The following CHRNE variants were observed in gnomAD, a reference collection of about 807,000 sequenced individuals.
CHRNE encodes acetylcholine receptor subunit epsilon.
In CHRNE, 58 loss-of-function variants were observed where a neutral mutation model predicts 56.5. That is an observed-to-expected ratio of 1.03 (90% confidence interval 0.83 to 1.28). CHRNE has a LOEUF of 1.28. Ranked by LOEUF, CHRNE falls within the 50% of genes most tolerant of loss-of-function variation. The pLI is 0.00. For synonymous variants in CHRNE, 385 were observed against 297.9 expected (o/e 1.29, Z -3.01); for missense variants, 793 against 688.9 (o/e 1.15, Z -1.69).
upstream of CHRNE, among the ~76,000 whole-genome samples, chr17:4,907,210 TTAAAGGA>T (rs1970101245): frequency 1.3e-5 from 2 of 151,676 alleles, no homozygotes; most frequent in Non-Finnish European, 2.9e-5. Flanking sequence ...GGTTGGTAAC[TTAAAGGA>T]TAAATGATTG....
Position 4,899,118 on chromosome 17 carries a change from A to G in CHRNE, c.1220-11T>C. ...TCTGGCAGAAGGCAGCTGGCGGGGA[A>G]AACACCGGGGTGGGCCTTAGGAGCC... On this transcript the variant is annotated splice_polypyrimidine_tract_variant and intron_variant, in intron 10 of 11. Transcript: ENST00000649488. The G allele has an allele frequency of 6.2e-7, 1 of 1,605,936 alleles. No individual in the cohort carries two copies. Among genetic ancestry groups the G allele is most frequent in the Non-Finnish European group, 8.5e-7 (1 of 1,177,762 alleles).
At chr17:4,901,280 AC>A in intron 6 of CHRNE, 90 bp from the exon 7 acceptor site, 2 of 1,450,580 alleles carry the variant, frequency 1.4e-6, no homozygotes, top group Non-Finnish European at 1.9e-6. Context: ...GGCTGTCTGC[AC>A]CAGGGTCATG....
At chr17:4,903,160 G>C, upstream of CHRNE, 36 of 1,218,402 alleles carry the variant, frequency 3.0e-5, no homozygotes, top group South Asian at 4.2e-4. Flanking sequence ...GTTAGTTCCG[G>C]GCTGTTAGGG....
Position 4,899,381 on chromosome 17 carries a change from G to C in CHRNE, c.1036C>G (p.Leu346Val), listed in dbSNP as rs1471932042. The change falls in exon 10 of 12, where the codon CTC becomes GTC. Residue 346 changes from leucine to valine, a missense_variant. By Grantham distance (32) the Leu-to-Val change is conservative. Coordinates refer to ENST00000649488, the MANE Select transcript of CHRNE (RefSeq NM_000080.4). Reference sequence around the variant, plus strand: ...AGGAGGCGCGGCAGCAGCTCCAGGAGAACCTGGGGCAGGGGCGGGGCTTAG... The same window carrying C: ...AGGAGGCGCGGCAGCAGCTCCAGGACAACCTGGGGCAGGGGCGGGGCTTAG... Reference protein sequence around the residue: ...HAMSPRLRHVLLELLPRLLGS... With the variant: ...HAMSPRLRHVVLELLPRLLGS... The C allele has an allele frequency of 2.0e-5, 30 of 1,533,992 alleles. No individual in the cohort carries two copies. Among genetic ancestry groups the C allele is most frequent in the Non-Finnish European group, 2.6e-5 (30 of 1,144,486 alleles).
Position 4,900,041 on chromosome 17 carries a change from G to A in CHRNE, c.918-459C>T, listed in dbSNP as rs1026648843. Reference sequence around the variant, plus strand: ...AGAGCTGAAGTCCCTGGAGCCACCCGAACCGAAGATGCAGGGGATGCTGCC... The same window carrying A: ...AGAGCTGAAGTCCCTGGAGCCACCCAAACCGAAGATGCAGGGGATGCTGCC... On this transcript the variant is annotated intron_variant, in intron 8 of 11. Coordinates refer to ENST00000649488, the MANE Select transcript of CHRNE (RefSeq NM_000080.4). 1.7e-5 allele frequency: 26 copies of A among 1,551,244 alleles called. 1 individual carries two copies. The South Asian group carries it at 2.7e-4, about 16-fold the overall frequency.
In CHRNE at chr17:4,898,626, T is replaced by C. The variant is rs1969808893; in HGVS notation, c.*110A>G. On this transcript the variant is annotated 3_prime_UTR_variant, in exon 12 of 12. Coordinates refer to ENST00000649488, the MANE Select transcript of CHRNE (RefSeq NM_000080.4). ...CACCATTCTTGTGAAGTTCACAAAC[T>C]GCAGATTGATCAGCAGGGGGAAGGG... is the stretch of plus-strand genomic sequence containing the variant. 1.1e-5 allele frequency: 15 copies of C among 1,415,608 alleles called. No homozygotes were observed. The highest frequency in any genetic ancestry group is 1.1e-5 in the Non-Finnish European group (11 of 1,036,374). 87.7% of individuals were successfully genotyped at this position (1,415,608 alleles called of 1,614,324 possible).
upstream of CHRNE, among the ~76,000 whole-genome samples, chr17:4,903,600 G>A (rs186010136): frequency 8.5e-5 from 13 of 152,212 alleles, no homozygotes; most frequent in Non-Finnish European, 1.6e-4. Flanking sequence ...TGGTCACAGG[G>A]GATTAGCCCT....
At chr17:4,908,004 G>A (rs185521223), upstream of CHRNE, among the ~76,000 whole-genome samples, 186 of 152,064 alleles carry the variant, frequency 1.2e-3, no homozygotes, top group Middle Eastern at 0.01. Flanking sequence ...GTGAAACCCC[G>A]TCTCTACTAA....
At position 4,898,778 on chromosome 17, in the gene CHRNE, G is replaced by A; in HGVS notation, c.1440C>T (p.Asn480=). The A allele has an allele frequency of 6.2e-7, 1 of 1,610,100 alleles. No individual in the cohort carries two copies. The highest frequency in any genetic ancestry group is 8.5e-7 in the Non-Finnish European group (1 of 1,178,624). The part of the protein sequence containing the change: ...SSLIFLGAYF[N]RVPDLPYAPC... The stretch of plus-strand genomic sequence containing the variant: ...GCGCGTAGGGGAGATCAGGCACTCG[G>A]TTGAAGTAGGCCCCGAGGAAGATGA... Residue 480 remains asparagine (N), a synonymous_variant, in exon 12 of 12, where the codon AAC becomes AAT. Transcript: ENST00000649488.
Position 4,897,990 on chromosome 17 carries a change from CCCA to C in CHRNE, c.*743_*745del, listed in dbSNP as rs746315302. The C allele has an allele frequency of 5.8e-4, 87 of 149,684 alleles. 1 individual carries two copies. Among genetic ancestry groups the C allele is most frequent in the Non-Finnish European group, 1.0e-3 (70 of 66,802 alleles). The allele number at this position is 149,684 out of a possible 1,614,324, so 9.3% of individuals were successfully genotyped here. The stretch of plus-strand genomic sequence containing the variant: ...AGCAAGTAACCCTTCTCCCTCCCCC[CCCA>C]CCCCTCCTCAATGTAGTGGCCTTGG... On this transcript the variant is annotated 3_prime_UTR_variant, in exon 12 of 12. Coordinates refer to ENST00000649488, the MANE Select transcript of CHRNE (RefSeq NM_000080.4).
chr17:4,902,950 T>C lies in CHRNE; in HGVS notation c.46+68A>G, dbSNP rs1970036848. The C allele has an allele frequency of 3.7e-6, 6 of 1,606,898 alleles. No individual in the cohort carries two copies. The highest frequency in any genetic ancestry group is 3.3e-4 in the Middle Eastern group (2 of 6,074). On this transcript the variant is annotated intron_variant, in intron 1 of 11. Coordinates refer to ENST00000649488, the MANE Select transcript of CHRNE (RefSeq NM_000080.4). The surrounding 1 kb of genome is among the most constrained non-coding windows in gnomAD (Gnocchi z 4.0). ...TAAGTCTCCATCTTGGTCTCTGTCT[T>C]TGTCTTCCCAGTCCCTTCATGTCAG...
At chr17:4,899,440 C>G in intron 9 of CHRNE, 28 bp downstream of exon 9, 1 of 1,558,784 alleles carries the variant, frequency 6.4e-7, no homozygotes, top group Non-Finnish European at 8.7e-7. Context: ...CACCCCGACC[C>G]GGGCTGCACC....
chr17:4,901,494 G>T, intron 6 of CHRNE, 31 bp downstream of exon 6: 1 of 1,598,888 alleles, frequency 6.3e-7, no homozygotes. Context: ...CCGTCTAGAA[G>T]CGGGTTTTTC....
rs1969874654 is a variant in CHRNE at position 4,899,457 on chromosome 17, T to TC, written c.1032+10dup. Reference sequence around the variant, plus strand: ...CCCCGACCCGGGCTGCACCGCCCCCTCCGCGCTTACGTGGCGCAGCCGCGG... The same window carrying TC: ...CCCCGACCCGGGCTGCACCGCCCCCTCCCGCGCTTACGTGGCGCAGCCGCGG... On this transcript the variant is annotated intron_variant, in intron 9 of 11. Coordinates refer to ENST00000649488, the MANE Select transcript of CHRNE (RefSeq NM_000080.4). The TC allele has an allele frequency of 6.3e-7, 1 of 1,575,204 alleles. No individual in the cohort carries two copies. Among genetic ancestry groups the TC allele is most frequent in the Non-Finnish European group, 8.6e-7 (1 of 1,161,902 alleles).
In CHRNE at chr17:4,901,160, G is replaced by T. The variant is rs773916039; in HGVS notation, c.632C>A (p.Pro211Gln). The T allele has an allele frequency of 9.3e-6, 15 of 1,609,194 alleles. No homozygotes were observed. Among genetic ancestry groups the T allele is most frequent in the Middle Eastern group, 1.7e-4 (1 of 6,060 alleles). Residue 211 changes from proline (P) to glutamine (Q), a missense_variant, in exon 7 of 12, where the codon CCG (proline) becomes CAG (glutamine). Coordinates refer to ENST00000649488, the MANE Select transcript of CHRNE (RefSeq NM_000080.4). Reference sequence around the variant, plus strand: ...ACCGTGGTGGCGGCGGATCACCCCCGGGCAGAAGTCGATGGCCCACTCGCC... The same window carrying T: ...ACCGTGGTGGCGGCGGATCACCCCCTGGCAGAAGTCGATGGCCCACTCGCC... The part of the protein sequence containing the change: ...ENGEWAIDFC[P>Q]GVIRRHHGGA...
At chr17:4,900,734 T>G in intron 8 of CHRNE, 59 bp downstream of exon 8, 1 of 1,541,022 alleles carries the variant, frequency 6.5e-7, no homozygotes. Flanking sequence ...GGTCTCTGGG[T>G]TTTGGCCACG....
rs760928143 is a variant in CHRNE, at chr17:4,899,513, G to T, written c.987C>A (p.Ser329=). Residue 329 remains serine, a synonymous_variant, in exon 9 of 12, where the codon TCC becomes TCA. Transcript: ENST00000649488. ...TGGCGTGGGTGGTGGGCGTCCGCTG[G>T]GACACGTTGAGCACGATGACGCAAT... The part of the protein sequence containing the change: ...VMNCVIVLNV[S]QRTPTTHAMS... 1.9e-6 allele frequency: 3 copies of T among 1,604,428 alleles called. No homozygotes were observed. The highest frequency in any genetic ancestry group is 2.2e-5 in the East Asian group (1 of 44,614).
upstream of CHRNE, among the ~76,000 whole-genome samples, chr17:4,904,889 AACCCC>A (rs1273440575): frequency 2.0e-5 from 3 of 152,162 alleles, no homozygotes; most frequent in Admixed American, 2.0e-4. Context: ...CTGCCTTATC[AACCCC>A]ACGATTTCCA....
chr17:4,907,173 A>T (rs1970100801), upstream of CHRNE, among the ~76,000 whole-genome samples: 1 of 150,024 alleles, frequency 6.7e-6, no homozygotes, highest in African/African-American at 2.5e-5. Context: ...TGTACATGTT[A>T]AAAAAAACTT....
Sources: allele counts gnomAD v4.1 joint callset (sites outside exome capture counted in the v4.1 genomes callset), GRCh38; gene constraint gnomAD v4.1.1; non-coding constraint Gnocchi (gnomAD v3.1); transcripts MANE v1.5; gene names NCBI Gene and HGNC (gene_info 2026-07-23, HGNC 2026-07-21).